Variants in VIT observed in about 807,000 individuals in gnomAD.
The protein encoded by VIT is vitrin.
A neutral mutation model predicts 78.0 loss-of-function variants in VIT; 99 were observed. The ratio of observed to expected loss-of-function variants is 1.27; its 90% CI spans 1.08 to 1.50. The LOEUF is 1.50. VIT is among the 40% of genes most tolerant of loss of function. The pLI is 0.00. For synonymous variants in VIT, 374 were observed against 334.3 expected (o/e 1.12, Z -1.29); for missense variants, 1,126 against 875.3 (o/e 1.29, Z -3.61).
intron 13 of VIT, 32 bp downstream of exon 13, chr2:36,801,436 T>G (rs1289846467): frequency 1.3e-6 from 2 of 1,531,398 alleles, no homozygotes; most frequent in Non-Finnish European, 9.0e-7. Context: ...TATACTATCT[T>G]GCTACCATCG....
At position 36,805,600 on chromosome 2, in the gene VIT, T is replaced by C. The variant is rs1432297340; in HGVS notation, c.1325T>C (p.Ile442Thr). The C allele has an allele frequency of 6.2e-7, 1 of 1,614,124 alleles. No individual in the cohort carries two copies. Among genetic ancestry groups the C allele is most frequent in the Non-Finnish European group, 8.5e-7 (1 of 1,180,010 alleles). ...ARESGINIFF[I>T]TIEGAAENEK... Reference sequence around the variant, plus strand: ...GAGTCAGGAATCAACATTTTCTTCATCACCATTGAAGGTGCTGCTGAAAAT... The same window carrying C: ...GAGTCAGGAATCAACATTTTCTTCACCACCATTGAAGGTGCTGCTGAAAAT... Residue 442 changes from isoleucine to threonine, a missense_variant, in exon 14 of 16, where the codon ATC (isoleucine) becomes ACC (threonine). Ile to Thr is a moderately conservative substitution (Grantham distance 89). Coordinates refer to ENST00000379242, the MANE Select transcript of VIT (RefSeq NM_053276.4).
intron 6 of VIT, among the ~76,000 whole-genome samples, chr2:36,766,704 T>C (rs909408036): frequency 2.6e-5 from 4 of 152,176 alleles, no homozygotes; most frequent in Non-Finnish European, 4.4e-5. Context: ...AAGCCCCAAA[T>C]GCACCTTCTG....
intron 6 of VIT, among the ~76,000 whole-genome samples, chr2:36,763,592 T>G (rs1669249288): frequency 6.8e-6 from 1 of 146,042 alleles, no homozygotes; most frequent in African/African-American, 2.5e-5. Flanking sequence ...CCTTTTTTTT[T>G]TTTTTTTTTT....
At chr2:36,698,592 A>C (rs1664817422) in intron 1 of VIT, among the ~76,000 whole-genome samples, 1 of 152,182 alleles carries the variant, frequency 6.6e-6, no homozygotes, top group Non-Finnish European at 1.5e-5. Context: ...GGGCGGCCAC[A>C]AGGGTCAATA....
chr2:36,712,322 G>A (rs1281772479), intron 1 of VIT, among the ~76,000 whole-genome samples: 1 of 152,092 alleles, frequency 6.6e-6, no homozygotes, highest in African/African-American at 2.4e-5. Context: ...GTGAGATCGC[G>A]GGGATTAGAG....
chr2:36,783,240 C>G, intron 10 of VIT, 100 bp from the exon 11 acceptor site: 2 of 1,151,346 alleles, frequency 1.7e-6, no homozygotes, highest in African/African-American at 1.5e-5. Context: ...AAGCCAAGCC[C>G]CCAAGCTGGG....
chr2:36,805,416 A>G (rs1666640947), intron 13 of VIT, 22 bp from the exon 14 acceptor site: 1 of 1,580,536 alleles, frequency 6.3e-7, no homozygotes, highest in South Asian at 1.2e-5. Context: ...CACTCCAAGC[A>G]TGAATTTTCT....
intron 4 of VIT, among the ~76,000 whole-genome samples, chr2:36,753,455 T>C (rs1668587791): frequency 6.6e-6 from 1 of 152,220 alleles, no homozygotes; most frequent in African/African-American, 2.4e-5. Context: ...ATCCTTTCTA[T>C]AAGAAATATT....
chr2:36,748,973 G>A (rs993863765), intron 4 of VIT, among the ~76,000 whole-genome samples: 2 of 152,188 alleles, frequency 1.3e-5, no homozygotes, highest in Non-Finnish European at 2.9e-5. Context: ...ACTTAACTGA[G>A]CATCCCGTGT....
intron 4 of VIT, among the ~76,000 whole-genome samples, chr2:36,749,384 C>A (rs904475029): frequency 6.6e-6 from 1 of 152,160 alleles, no homozygotes; most frequent in Non-Finnish European, 1.5e-5. Context: ...TGGATTAAGT[C>A]ACTACCTAAA....
At chr2:36,761,207 G>A (rs914468469) in intron 6 of VIT, among the ~76,000 whole-genome samples, 34 of 152,168 alleles carry the variant, frequency 2.2e-4, no homozygotes, top group African/African-American at 7.5e-4. Flanking sequence ...CAATCTTGAC[G>A]AATGACTCTC....
chr2:36,722,237 G>A (rs551149989), intron 2 of VIT, among the ~76,000 whole-genome samples: 3 of 152,260 alleles, frequency 2.0e-5, no homozygotes, highest in African/African-American at 7.2e-5. Flanking sequence ...TATAATCCAC[G>A]TGTGTACTGA....
At chr2:36,795,759 G>C (rs13394841) in intron 12 of VIT, among the ~76,000 whole-genome samples, 1 of 151,948 alleles carries the variant, frequency 6.6e-6, no homozygotes, top group Non-Finnish European at 1.5e-5. Flanking sequence ...TCTTTTTTTA[G>C]TGCCACGTTT....
At chr2:36,785,097 A>C (rs1281265752) in intron 11 of VIT, among the ~76,000 whole-genome samples, 21 of 152,230 alleles carry the variant, frequency 1.4e-4, no homozygotes, top group Admixed American at 1.4e-3. Context: ...CATGTACTTT[A>C]TTCATGTAAA....
chr2:36,810,680 C>G (rs1327628429), intron 15 of VIT, among the ~76,000 whole-genome samples: 1 of 150,194 alleles, frequency 6.7e-6, no homozygotes, highest in Non-Finnish European at 1.5e-5. Flanking sequence ...GTCACCCAGA[C>G]TGGAGTGCAG....
intron 3 of VIT, among the ~76,000 whole-genome samples, chr2:36,734,568 G>A (rs1667394856): frequency 6.6e-6 from 1 of 152,154 alleles, no homozygotes; most frequent in Non-Finnish European, 1.5e-5. Context: ...AGAAAGTAAA[G>A]TAGAAGACGT....
At chr2:36,796,515 T>C (rs556742844) in intron 12 of VIT, among the ~76,000 whole-genome samples, 1 of 152,290 alleles carries the variant, frequency 6.6e-6, no homozygotes, top group South Asian at 2.1e-4. Context: ...AATCGACAAT[T>C]GCTCTATAAA....
At chr2:36,770,923 C>A (rs1333170848) in intron 7 of VIT, among the ~76,000 whole-genome samples, 2 of 152,182 alleles carry the variant, frequency 1.3e-5, no homozygotes, top group Non-Finnish European at 2.9e-5. Flanking sequence ...GACAGAGATC[C>A]TCCACCTCTC....
intron 7 of VIT, among the ~76,000 whole-genome samples, chr2:36,769,254 C>T (rs990728171): frequency 3.9e-5 from 6 of 152,182 alleles, no homozygotes; most frequent in African/African-American, 7.2e-5. Context: ...TAAATTCTTA[C>T]ATAACACATA....
Sources: allele counts gnomAD v4.1 joint callset (sites outside exome capture counted in the v4.1 genomes callset), GRCh38; gene constraint gnomAD v4.1.1; transcripts MANE v1.5; gene names NCBI Gene and HGNC (gene_info 2026-07-23, HGNC 2026-07-21).